SP140: variants seen among roughly 807,000 people sequenced by gnomAD.
SP140 encodes nuclear body protein SP140.
Under a neutral mutation model 125.0 loss-of-function variants are expected in SP140, and 81 were observed. That is an observed-to-expected ratio of 0.65 (90% confidence interval 0.54 to 0.78). The LOEUF (loss-of-function observed/expected upper bound fraction) is 0.78. Among genes scored for constraint, SP140 ranks in the 30% least tolerant of loss-of-function variants. SP140 has a pLI of 0.00. For synonymous variants in SP140, 312 were observed against 354.0 expected, an observed-to-expected ratio of 0.88 and a Z score of 1.33; for missense variants, 858 against 1,037.0, an observed-to-expected ratio of 0.83 and a Z score of 2.37.
chr2:230,248,795 C>T (rs1448359846), intron 8 of SP140, 90 bp from the exon 9 acceptor site: 6 of 1,004,338 alleles, frequency 6.0e-6, no homozygotes, highest in Admixed American at 5.6e-5. Context: ...GGGTGGCTCT[C>T]AGCATTTGCC....
intron 6 of SP140, 65 bp downstream of exon 6, chr2:230,245,145 A>G: frequency 1.9e-6 from 2 of 1,052,762 alleles, no homozygotes; most frequent in Non-Finnish European, 2.9e-6. Context: ...TGCAACCAAC[A>G]CTTCCTTCTC....
At chr2:230,289,297 A>G (rs34004493) in intron 18 of SP140, among the ~76,000 whole-genome samples, 29,434 of 152,148 alleles carry the variant, frequency 0.19, 3,414 homozygotes, top group Non-Finnish European at 0.27. Flanking sequence ...TCCTTTGCCC[A>G]CTTTTTGATG....
chr2:230,215,132 G>C, intron 3 of SP140: 2 of 1,607,576 alleles, frequency 1.2e-6, no homozygotes, highest in Non-Finnish European at 1.7e-6. Context: ...TAAAAATGGA[G>C]TGAAGGTTTT....
At chr2:230,187,704 A>G in the SP140 span, among the ~76,000 whole-genome samples, 1 of 152,042 alleles carries the variant, frequency 6.6e-6, no homozygotes, top group African/African-American at 2.4e-5. Flanking sequence ...TTATTCTTTT[A>G]CATGTGGCTA....
intron 3 of SP140, among the ~76,000 whole-genome samples, chr2:230,217,861 C>G (rs2045396823): frequency 6.6e-6 from 1 of 152,206 alleles, no homozygotes; most frequent in African/African-American, 2.4e-5. Context: ...AGCTGGAAAC[C>G]TGGTAATATT....
chr2:230,294,699 A>AT (rs1459759618), intron 21 of SP140, among the ~76,000 whole-genome samples: 2 of 152,126 alleles, frequency 1.3e-5, no homozygotes, highest in African/African-American at 4.8e-5. Flanking sequence ...CAAAATTCAG[A>AT]TTTTTTTCAT....
At chr2:230,209,796 A>C in intron 1 of SP140, 1 of 713,694 alleles carries the variant, frequency 1.4e-6, no homozygotes, top group Non-Finnish European at 2.5e-6. Flanking sequence ...AGCAAATGGA[A>C]ACTGCAGAAA....
At chr2:230,313,409 G>T (rs1297292045), downstream of SP140, among the ~76,000 whole-genome samples, 1 of 152,108 alleles carries the variant, frequency 6.6e-6, no homozygotes, top group African/African-American at 2.4e-5. Context: ...ATATTACCCG[G>T]GGTCAAGTGG....
intron 21 of SP140, among the ~76,000 whole-genome samples, chr2:230,295,251 A>C (rs1419601224): frequency 6.6e-6 from 1 of 152,258 alleles, no homozygotes; most frequent in African/African-American, 2.4e-5. Context: ...CTTCTAAAAC[A>C]GCTCACACAT....
chr2:230,283,094 G>A (rs749697296), intron 15 of SP140, among the ~76,000 whole-genome samples: 1 of 152,186 alleles, frequency 6.6e-6, no homozygotes, highest in Non-Finnish European at 1.5e-5. Flanking sequence ...GACCTCAGAA[G>A]CTGGGCCCAG....
At chr2:230,248,992 A>G (rs1304375795) in intron 9 of SP140, 24 bp downstream of exon 9, 2 of 1,565,468 alleles carry the variant, frequency 1.3e-6, no homozygotes, top group Admixed American at 1.7e-5. Flanking sequence ...AAGTTTTTAA[A>G]TATTTGAGTA....
chr2:230,202,815 G>T, upstream of SP140: 1 of 1,238,192 alleles, frequency 8.1e-7, no homozygotes. Flanking sequence ...CCCTTCTCAT[G>T]CCCCTAACTC....
rs771023033 is a variant in SP140, at chr2:230,245,900, A to G, written c.702A>G (p.Glu234=). 3.1e-6 allele frequency: 5 copies of G among 1,607,144 alleles called. No individual in the cohort carries two copies. Among genetic ancestry groups the G allele is most frequent in the Non-Finnish European group, 4.3e-6 (5 of 1,173,652 alleles). ...CKLAIQIDEG[E]SEEMPKLLPY... ...TTGCTATACAAATAGATGAAGGAGA[A>G]TCAGAAGAAATGCCCAAGTTACTGC... The change falls in exon 7 of 27, where the codon GAA becomes GAG. Residue 234 remains glutamate, a synonymous_variant. Transcript: ENST00000392045.
At chr2:230,280,698 G>A (rs2055411346) in intron 15 of SP140, among the ~76,000 whole-genome samples, 1 of 151,984 alleles carries the variant, frequency 6.6e-6, no homozygotes, top group Non-Finnish European at 1.5e-5. Flanking sequence ...TCTTATCATG[G>A]TTTCACTACA....
At chr2:230,232,466 GGTT>G (rs199607566) in intron 1 of SP140, among the ~76,000 whole-genome samples, 2,244 of 152,194 alleles carry the variant, frequency 0.015, 44 homozygotes, top group African/African-American at 0.041. Context: ...TGTTCAGCAG[GGTT>G]GTTGTTGTTG....
rs778717233 is a variant in SP140, at chr2:230,294,301, C to A, written c.1999C>A (p.Arg667Ser). The A allele has an allele frequency of 1.2e-5, 20 of 1,611,080 alleles. No individual in the cohort carries two copies. Among genetic ancestry groups the A allele is most frequent in the Non-Finnish European group, 1.7e-5 (20 of 1,177,674 alleles). The change falls in exon 21 of 27, where the codon CGT (arginine) becomes AGT (serine). Residue 667 changes from arginine to serine, a missense_variant. By Grantham distance (110) the Arg-to-Ser change is moderately radical. Around this residue, in one of 4 missense-constraint regions of SP140, gnomAD observed 791 missense variants for 869.5 expected, o/e 0.91. Transcript: ENST00000392045. ...NGFLPDPPRI[R>S]YRKKKRILKS... The stretch of plus-strand genomic sequence containing the variant: ...ATTTCTGCCTGATCCTCCAAGAATA[C>A]GTTACAGGAAAAAAAAGGTGATTAT...
At chr2:230,309,423 G>C (rs16827035) in intron 22 of SP140, among the ~76,000 whole-genome samples, 35,917 of 152,074 alleles carry the variant, frequency 0.24, 5,259 homozygotes, top group African/African-American at 0.42. Flanking sequence ...GGCACAAAAC[G>C]TACAGTCTAG....
chr2:230,242,229 G>A lies in SP140; in HGVS notation c.490+742G>A, dbSNP rs532035218. On this transcript the variant is annotated intron_variant, in intron 4 of 26. Transcript: ENST00000392045. ...ATGGGGAAAGTAGAGAGGTACAGAGGCAACTATGTAGATAAAGAGTTAAGA... is the reference window on the plus strand; with the variant it reads ...ATGGGGAAAGTAGAGAGGTACAGAGACAACTATGTAGATAAAGAGTTAAGA... Among the ~76,000 whole-genome samples, 7 of 151,304 alleles carry A rather than the reference G, an allele frequency of 4.6e-5. No individual in the cohort carries two copies. In the South Asian group the frequency reaches 1.5e-3, roughly 32 times the overall value.
At chr2:230,255,123 A>G (rs2050955863) in intron 11 of SP140, among the ~76,000 whole-genome samples, 1 of 152,208 alleles carries the variant, frequency 6.6e-6, no homozygotes. Flanking sequence ...AACGCATGGA[A>G]ACAAAGAGAA....
Sources: allele counts gnomAD v4.1 joint callset (sites outside exome capture counted in the v4.1 genomes callset), GRCh38; gene constraint gnomAD v4.1.1; regional missense constraint gnomAD v4.1.1; transcripts MANE v1.5; gene names NCBI Gene and HGNC (gene_info 2026-07-23, HGNC 2026-07-21).